PODXL: variants seen among roughly 807,000 people sequenced by gnomAD.
PODXL encodes the protein podocalyxin.
In PODXL, 20 loss-of-function variants were observed where a neutral mutation model predicts 48.9. The ratio of observed to expected loss-of-function variants is 0.41; its 90% CI spans 0.29 to 0.59. PODXL has a LOEUF of 0.59. Ranked by LOEUF, PODXL falls within the 20% of genes least tolerant of loss-of-function variation. The probability of loss-of-function intolerance (pLI) is 0.31; values close to 1 mark genes in which losing one functional copy is unlikely to be tolerated. For missense variants in PODXL, 606 were observed against 675.1 expected (o/e 0.90, Z 1.13); for synonymous variants, 295 against 287.4 (o/e 1.03, Z -0.27).
chr7:131,505,332 AG>A, intron 8 of PODXL, among the ~76,000 whole-genome samples: 1 of 152,308 alleles, frequency 6.6e-6, no homozygotes, highest in South Asian at 2.1e-4. Context: ...CCTCAAGGTC[AG>A]GGCCAGGACT....
At chr7:131,505,639 A>G in intron 8 of PODXL, among the ~76,000 whole-genome samples, 1 of 152,264 alleles carries the variant, frequency 6.6e-6, no homozygotes, top group East Asian at 1.9e-4. Context: ...ATAATAAAAT[A>G]AAAAATAAAT....
At chr7:131,529,524 G>A (rs1017626792) in intron 1 of PODXL, among the ~76,000 whole-genome samples, 3 of 151,990 alleles carry the variant, frequency 2.0e-5, no homozygotes, top group African/African-American at 7.3e-5. Context: ...GGGAGGAGGT[G>A]GGATGAGAGG....
In PODXL at chr7:131,509,512, G is replaced by C. The variant is rs1056219102; in HGVS notation, c.876C>G (p.Ser292=). The C allele has an allele frequency of 2.5e-6, 4 of 1,611,214 alleles. No homozygotes were observed. The African/African-American group carries it at 5.3e-5, about 22-fold the overall frequency. Residue 292 remains serine (S), a synonymous_variant, in exon 4 of 9, where the codon TCC becomes TCG. Coordinates refer to ENST00000378555, the MANE Select transcript of PODXL (RefSeq NM_001018111.3). The part of the protein sequence containing the change: ...QMPASSTAPS[S]QETVQPTSPA... ...GGCTCGTGGGCTGCACTGTCTCCTG[G>C]GAGGAAGGGGCCGTAGAGCTGGCTG...
chr7:131,548,512 C>T (rs909315206), intron 1 of PODXL, among the ~76,000 whole-genome samples: 1 of 152,230 alleles, frequency 6.6e-6, no homozygotes, highest in Non-Finnish European at 1.5e-5. Context: ...TAAAGAGGAG[C>T]CACATGCTTC....
chr7:131,533,345 C>G (rs1217762384), intron 1 of PODXL, among the ~76,000 whole-genome samples: 1 of 152,200 alleles, frequency 6.6e-6, no homozygotes, highest in Non-Finnish European at 1.5e-5. Context: ...TCAGCATCAC[C>G]TCTCCCAGAG....
rs1797768143 is a variant in PODXL, at chr7:131,504,565, AC to A, written c.1480-58del. On this transcript the variant is annotated intron_variant, in intron 8 of 8. Coordinates refer to ENST00000378555, the MANE Select transcript of PODXL (RefSeq NM_001018111.3). ...GGTTTCAGAGGGCTCTGAGCTTAAT[AC>A]AGCGCATGTACGTACCCCTCCCACT... The A allele has an allele frequency of 2.8e-6, 4 of 1,441,256 alleles. No homozygotes were observed. The Admixed American group carries it at 6.7e-5, about 24-fold the overall frequency. 89.3% of individuals were successfully genotyped at this position (1,441,256 alleles called of 1,614,324 possible). A position where few individuals can be genotyped will look rare whatever the true frequency, so the allele number is the denominator to read the frequency against.
At chr7:131,520,115 C>A in intron 1 of PODXL, 1 of 225,790 alleles carries the variant, frequency 4.4e-6, no homozygotes, top group Admixed American at 5.6e-5. Context: ...GAAATTGAGC[C>A]TTTCCAACTT....
intron 1 of PODXL, among the ~76,000 whole-genome samples, chr7:131,532,127 ATCATC>A (rs1798290129): frequency 4.2e-5 from 6 of 142,742 alleles, no homozygotes; most frequent in East Asian, 2.1e-4. Context: ...AATAATAATC[ATCATC>A]ATCATCATCA....
Position 131,506,055 on chromosome 7 carries a change from G to A in PODXL, c.1312-20C>T. On this transcript the variant is annotated intron_variant, in intron 7 of 8. Transcript: ENST00000378555. ...CCCTGCCTGCATGGGAAGTGGCAGA[G>A]AACAGGCTGGGGGCATCCTCTCTCC... 4 of 1,604,438 alleles carry A rather than the reference G, an allele frequency of 2.5e-6. No individual in the cohort carries two copies. Among genetic ancestry groups the A allele is most frequent in the Non-Finnish European group, 3.4e-6 (4 of 1,175,006 alleles).
chr7:131,511,369 G>C lies in PODXL; in HGVS notation c.165C>G (p.Ile55Met), dbSNP rs1399942364. 5 of 1,609,090 alleles carry C rather than the reference G, an allele frequency of 3.1e-6. No homozygotes were observed. Among genetic ancestry groups the C allele is most frequent in the Non-Finnish European group, 4.2e-6 (5 of 1,179,884 alleles). Residue 55 changes from isoleucine (I) to methionine (M), a missense_variant, in exon 2 of 9, where the codon ATC becomes ATG. By Grantham distance (10) the Ile-to-Met change is conservative (BLOSUM62 1). Coordinates refer to ENST00000378555, the MANE Select transcript of PODXL (RefSeq NM_001018111.3). ...TCTGCTGGGCTGTATCTGTAGCCAT[G>C]ATGGTGACACTGGATGCTGGAGTCG... ...TAPTPASSVTIMATDTAQQST... is the reference protein window; with the variant it reads ...TAPTPASSVTMMATDTAQQST...
At position 131,514,497 on chromosome 7, in the gene PODXL, A is replaced by G. The variant is rs1401279646; in HGVS notation, c.101-3064T>C. Among the ~76,000 whole-genome samples, 3 of 152,132 alleles carry G rather than the reference A, an allele frequency of 2.0e-5. No homozygotes were observed. The East Asian group carries it at 5.8e-4, about 29-fold the overall frequency. Reference sequence around the variant, plus strand: ...TCTTCTTAGTAGTTCATAAAGTAACAGTGCTTCTTACTATTGATGGCATCA... The same window carrying G: ...TCTTCTTAGTAGTTCATAAAGTAACGGTGCTTCTTACTATTGATGGCATCA... On this transcript the variant is annotated intron_variant, in intron 1 of 8. Coordinates refer to ENST00000378555, the MANE Select transcript of PODXL (RefSeq NM_001018111.3).
chr7:131,540,367 A>C (rs1798454274), intron 1 of PODXL, among the ~76,000 whole-genome samples: 1 of 152,044 alleles, frequency 6.6e-6, no homozygotes, highest in East Asian at 1.9e-4. Context: ...CTCGTTCAGA[A>C]AAGGAGAGAC....
intron 1 of PODXL, among the ~76,000 whole-genome samples, chr7:131,541,334 G>C (rs1798477871): frequency 6.6e-6 from 1 of 151,904 alleles, no homozygotes; most frequent in African/African-American, 2.4e-5. Flanking sequence ...CTTTTGGACA[G>C]TAGGGAGTGG....
intron 1 of PODXL, among the ~76,000 whole-genome samples, chr7:131,553,369 T>A (rs1171537125): frequency 6.6e-6 from 1 of 152,236 alleles, no homozygotes; most frequent in Non-Finnish European, 1.5e-5. Context: ...AGAGTGGCAC[T>A]GGGGCTTCAG....
chr7:131,520,177 C>A lies in PODXL; in HGVS notation c.101-8744G>T. 3 of 275,490 alleles carry A rather than the reference C, an allele frequency of 1.1e-5. No homozygotes were observed. The South Asian group carries it at 1.4e-4, about 13-fold the overall frequency. 17.1% of individuals were successfully genotyped at this position (275,490 alleles called of 1,614,324 possible). The stretch of plus-strand genomic sequence containing the variant: ...GAGGGTGGTGAGAAGAAAGGCCGTT[C>A]TACCATCAACGAGGTGGTGACCCGA... On this transcript the variant is annotated intron_variant, in intron 1 of 8. Coordinates refer to ENST00000378555, the MANE Select transcript of PODXL (RefSeq NM_001018111.3).
chr7:131,542,549 C>T (rs1298247859), intron 1 of PODXL, among the ~76,000 whole-genome samples: 1 of 152,122 alleles, frequency 6.6e-6, no homozygotes, highest in Non-Finnish European at 1.5e-5. Flanking sequence ...CCCAGCTACA[C>T]AGGAAGCTGA....
intron 1 of PODXL, among the ~76,000 whole-genome samples, chr7:131,538,505 C>A (rs1308388533): frequency 6.6e-6 from 1 of 152,182 alleles, no homozygotes. Context: ...GGCGGAACCC[C>A]ACCCCTACCC....
intron 1 of PODXL, among the ~76,000 whole-genome samples, chr7:131,537,603 ACCCCC>A (rs1425771935): frequency 1.5e-5 from 1 of 65,972 alleles, no homozygotes; most frequent in Non-Finnish European, 3.1e-5. Context: ...ACCCCACCCC[ACCCCC>A]CCAAAAAGGT....
rs1189722483 is a variant in PODXL, at chr7:131,540,365, G to C, written c.100+15895C>G. On this transcript the variant is annotated intron_variant, in intron 1 of 8. Coordinates refer to ENST00000378555, the MANE Select transcript of PODXL (RefSeq NM_001018111.3). ...TCTGGCCTATTATGTACCTCGTTCA[G>C]AAAAGGAGAGACAGACTAGCCCAGG... Among the ~76,000 whole-genome samples the C allele has an allele frequency of 2.0e-5, 3 of 152,046 alleles. No homozygotes were observed. The East Asian group carries it at 5.8e-4, about 29-fold the overall frequency.
Sources: allele counts gnomAD v4.1 joint callset (sites outside exome capture counted in the v4.1 genomes callset), GRCh38; gene constraint gnomAD v4.1.1; transcripts MANE v1.5; gene names NCBI Gene and HGNC (gene_info 2026-07-23, HGNC 2026-07-21).